CEP250: variants seen among roughly 807,000 people sequenced by gnomAD.
CEP250 encodes centrosome-associated protein CEP250.
A neutral mutation model predicts 315.7 loss-of-function variants in CEP250; 242 were observed. The ratio of observed to expected loss-of-function variants is 0.77; its 90% CI spans 0.69 to 0.85. CEP250 has a LOEUF of 0.85. Ranked by LOEUF, CEP250 falls within the 40% of genes least tolerant of loss-of-function variation. CEP250 has a pLI of 0.00. For missense variants in CEP250, 2,515 were observed against 2,886.4 expected (o/e 0.87, Z 2.95); for synonymous variants, 1,088 against 1,175.0 (o/e 0.93, Z 1.51).
intron 23 of CEP250, among the ~76,000 whole-genome samples, chr20:35,494,174 A>G (rs1331766621): frequency 3.9e-5 from 6 of 152,090 alleles, no homozygotes; most frequent in Non-Finnish European, 7.4e-5. Flanking sequence ...GGGTCTCACT[A>G]TGTTGCCCAG....
intron 34 of CEP250, among the ~76,000 whole-genome samples, chr20:35,510,848 A>G (rs2064334112): frequency 6.6e-6 from 1 of 152,140 alleles, no homozygotes; most frequent in Non-Finnish European, 1.5e-5. Flanking sequence ...TACAAAAATT[A>G]GCTGGACGTG....
At chr20:35,498,211 C>T in intron 26 of CEP250, 144 bp downstream of exon 26, 1 of 709,836 alleles carries the variant, frequency 1.4e-6, no homozygotes, top group Non-Finnish European at 2.2e-6. Flanking sequence ...AGTTTAAGCC[C>T]CAGCTCTACC....
rs895297368 is a variant in CEP250, at chr20:35,516,124, C to CA, written c.*4499dup. 2 of 152,266 alleles carry CA rather than the reference C, an allele frequency of 1.3e-5. No individual in the cohort carries two copies. The highest frequency in any genetic ancestry group is 2.9e-5 in the Non-Finnish European group (2 of 68,140). 9.4% of individuals were successfully genotyped at this position (152,266 alleles called of 1,614,324 possible). On this transcript the variant is annotated 3_prime_UTR_variant, in exon 35 of 35. Coordinates refer to ENST00000397527, the MANE Select transcript of CEP250 (RefSeq NM_007186.6). Reference sequence around the variant, plus strand: ...TTGGAGGTAAAATAATTGAATGGGTCAGGGGTAGGAGGAGAGATGAGTCTC... The same window carrying CA: ...TTGGAGGTAAAATAATTGAATGGGTCAAGGGGTAGGAGGAGAGATGAGTCTC...
Position 35,504,946 on chromosome 20 carries a change from G to A in CEP250, c.6577G>A (p.Val2193Ile). 6.2e-7 allele frequency: 1 copy of A among 1,614,020 alleles called. No individual in the cohort carries two copies. The highest frequency in any genetic ancestry group is 1.1e-5 in the South Asian group (1 of 91,076). The change falls in exon 30 of 35, where the codon GTA becomes ATA. Residue 2193 changes from valine (V) to isoleucine (I), a missense_variant. Physicochemically the swap from Val to Ile is conservative, Grantham distance 29. Coordinates refer to ENST00000397527, the MANE Select transcript of CEP250 (RefSeq NM_007186.6). ...GGCCAGTGTCAGCAGTCTGCAGGAG[G>A]TAGCCATGTTCCTACAAGCCTCTGT... The part of the protein sequence containing the change: ...TKASVSSLQE[V>I]AMFLQASVLE...
In CEP250 at chr20:35,479,330, G is replaced by T; in HGVS notation, c.2194G>T (p.Glu732Ter). 1.2e-6 allele frequency: 2 copies of T among 1,614,230 alleles called. No homozygotes were observed. The highest frequency in any genetic ancestry group is 1.7e-6 in the Non-Finnish European group (2 of 1,180,046). Residue 732 changes from glutamate (E) to a stop codon, truncating the protein, a stop_gained, in exon 18 of 35, where the codon GAG (glutamate) becomes TAG (stop). Transcript: ENST00000397527. LOFTEE classifies it high-confidence loss of function. ...GCTTGCCAGGGCAGTCCAGGAGAAGGAGGCCCTAGTACGAGAGAAAGCGGC... is the reference window on the plus strand; with the variant it reads ...GCTTGCCAGGGCAGTCCAGGAGAAGTAGGCCCTAGTACGAGAGAAAGCGGC... ...EVLARAVQEK[E>*]ALVREKAALE...
intron 9 of CEP250, 44 bp from the exon 10 acceptor site, chr20:35,469,840 GTCCACA>G (rs2062980358): frequency 7.7e-7 from 1 of 1,297,868 alleles, no homozygotes; most frequent in African/African-American, 1.5e-5. Flanking sequence ...TCGTAGCTCT[GTCCACA>G]TCCATGGGCT....
chr20:35,503,771 T>C lies in CEP250; in HGVS notation c.5402T>C (p.Leu1801Pro). 1 of 1,613,798 alleles carries C rather than the reference T, an allele frequency of 6.2e-7. No individual in the cohort carries two copies. Among genetic ancestry groups the C allele is most frequent in the Non-Finnish European group, 8.5e-7 (1 of 1,179,982 alleles). The change falls in exon 30 of 35, where the codon CTT becomes CCT. Residue 1801 changes from leucine (L) to proline (P), a missense_variant. By Grantham distance (98) the Leu-to-Pro change is moderately conservative. Transcript: ENST00000397527. The surrounding 1 kb of genome is among the most constrained non-coding windows in gnomAD (Gnocchi z 4.2). ...REQGELKEQS[L>P]QSQLDEAQRA... ...CAAGGGGAGCTGAAGGAGCAGTCAC[T>C]TCAGAGTCAACTGGATGAGGCCCAG...
chr20:35,509,143 G>C, intron 33 of CEP250, 99 bp downstream of exon 33: 1 of 948,890 alleles, frequency 1.1e-6, no homozygotes, highest in African/African-American at 1.6e-5. Context: ...CAGCACTTCA[G>C]CTAGTCCAGA....
At chr20:35,490,845 G>C (rs781394918) in intron 21 of CEP250, 41 bp downstream of exon 21, 1 of 1,602,896 alleles carries the variant, frequency 6.2e-7, no homozygotes, top group Non-Finnish European at 8.5e-7. Context: ...TCCAGTCAGC[G>C]ATCTCCTTAC....
intron 7 of CEP250, 76 bp from the exon 8 acceptor site, chr20:35,466,888 AGG>A: frequency 1.2e-6 from 1 of 853,224 alleles, no homozygotes; most frequent in East Asian, 2.4e-5. Flanking sequence ...CTCAGTAGTC[AGG>A]AGGAATCCAA....
chr20:35,480,167 G>A (rs553116540), intron 20 of CEP250, 22 bp downstream of exon 20: 11 of 1,597,872 alleles, frequency 6.9e-6, no homozygotes, highest in South Asian at 1.1e-5. Flanking sequence ...ATGTGGCCGG[G>A]TATGGCCTCC....
In CEP250 at chr20:35,500,055, C is replaced by G. The variant is rs915206560; in HGVS notation, c.3784C>G (p.Leu1262Val). ...CATGCCCTTCCTTTCCCAGGATGTT[C>G]TGAGGGATCAGGTCCAGAAACTGGA... ...LWKTQQTRDV[L>V]RDQVQKLEER... Residue 1262 changes from leucine to valine, a missense_variant, in exon 28 of 35, where the codon CTG becomes GTG. Leu to Val is a conservative substitution (Grantham distance 32). Transcript: ENST00000397527. The G allele has an allele frequency of 1.2e-6, 2 of 1,614,104 alleles. No individual in the cohort carries two copies. The highest frequency in any genetic ancestry group is 1.7e-6 in the Non-Finnish European group (2 of 1,179,976).
At position 35,486,623 on chromosome 20, in the gene CEP250, CATATTTA is replaced by C. The variant is rs2063521810; in HGVS notation, c.2587-4007_2587-4001del. 2.0e-5 allele frequency among the ~76,000 whole-genome samples: 3 copies of C among 152,238 alleles called. No individual in the cohort carries two copies. In the South Asian group the frequency reaches 6.2e-4, roughly 32 times the overall value. On this transcript the variant is annotated intron_variant, in intron 20 of 34. Coordinates refer to ENST00000397527, the MANE Select transcript of CEP250 (RefSeq NM_007186.6). ...GCTGGTTCTGTGATACATTAAAATA[CATATTTA>C]ATATTTTATCCAGCATTTTTTGCGA...
At chr20:35,493,944 A>G (rs1489854157) in intron 23 of CEP250, among the ~76,000 whole-genome samples, 1 of 152,100 alleles carries the variant, frequency 6.6e-6, no homozygotes, top group Admixed American at 6.5e-5. Flanking sequence ...ATCACAATAC[A>G]TGTTTTGCCT....
chr20:35,477,779 C>A (rs1206006975), intron 16 of CEP250, 92 bp from the exon 17 acceptor site: 22 of 990,430 alleles, frequency 2.2e-5, no homozygotes, highest in Middle Eastern at 2.8e-4. Context: ...AGAATAGATT[C>A]ATATCTCACT....
Position 35,503,971 on chromosome 20 carries a change from G to T in CEP250, c.5602G>T (p.Ala1868Ser). ...HGELQDHKEQ[A>S]RRLEEELAVE... ...AGAGCTTCAGGACCACAAGGAACAGGCACGAAGGCTGGAGGAAGAGCTGGC... is the reference window on the plus strand; with the variant it reads ...AGAGCTTCAGGACCACAAGGAACAGTCACGAAGGCTGGAGGAAGAGCTGGC... The change falls in exon 30 of 35, where the codon GCA becomes TCA. Residue 1868 changes from alanine (A) to serine (S), a missense_variant. Coordinates refer to ENST00000397527, the MANE Select transcript of CEP250 (RefSeq NM_007186.6). The surrounding 1 kb of genome is among the most constrained non-coding windows in gnomAD (Gnocchi z 4.2). 6.2e-7 allele frequency: 1 copy of T among 1,611,324 alleles called. No individual in the cohort carries two copies. The highest frequency in any genetic ancestry group is 8.5e-7 in the Non-Finnish European group (1 of 1,178,312).
chr20:35,464,914 T>A (rs1601124099), intron 5 of CEP250, among the ~76,000 whole-genome samples: 1 of 151,916 alleles, frequency 6.6e-6, no homozygotes, highest in East Asian at 1.9e-4. Context: ...AGAACTAGAC[T>A]GTCTCAAAAA....
At position 35,462,294 on chromosome 20, in the gene CEP250, T is replaced by C; in HGVS notation, c.-74T>C. On this transcript the variant is annotated 5_prime_UTR_variant, in exon 4 of 35. An upstream start codon of the reference 5' UTR is lost. Coordinates refer to ENST00000397527, the MANE Select transcript of CEP250 (RefSeq NM_007186.6). The stretch of plus-strand genomic sequence containing the variant: ...AGAGGAGGTTGAAGTGGCATGGCAA[T>C]GGTTAGAGACCCTGCTGGGCGTGAA... 1.6e-6 allele frequency: 2 copies of C among 1,237,038 alleles called. No individual in the cohort carries two copies. The highest frequency in any genetic ancestry group is 1.1e-6 in the Non-Finnish European group (1 of 890,488). The allele number at this position is 1,237,038 out of a possible 1,614,324, so 76.6% of individuals were successfully genotyped here.
chr20:35,472,432 A>T (rs2063048185), intron 11 of CEP250, among the ~76,000 whole-genome samples: 1 of 152,080 alleles, frequency 6.6e-6, no homozygotes, highest in African/African-American at 2.4e-5. Context: ...TTCTTCTTTC[A>T]TTTCCTCATT....
Sources: allele counts gnomAD v4.1 joint callset (sites outside exome capture counted in the v4.1 genomes callset), GRCh38; gene constraint gnomAD v4.1.1; non-coding constraint Gnocchi (gnomAD v3.1); transcripts MANE v1.5; gene names NCBI Gene and HGNC (gene_info 2026-07-23, HGNC 2026-07-21).